Variants in RNF150 observed in about 807,000 individuals in gnomAD.
The protein encoded by RNF150 is ring finger protein 150.
Under a neutral mutation model 39.3 loss-of-function variants are expected in RNF150, and 24 were observed. The ratio of observed to expected loss-of-function variants is 0.61; its 90% CI spans 0.44 to 0.86. The LOEUF (loss-of-function observed/expected upper bound fraction) is 0.86, where lower values mean the gene tolerates loss of function less well. RNF150 is among the 40% of genes least tolerant of loss of function. The pLI is 0.00. For synonymous variants in RNF150, 255 were observed against 227.3 expected, an observed-to-expected ratio of 1.12 and a Z score of -1.10; for missense variants, 502 against 587.8, an observed-to-expected ratio of 0.85 and a Z score of 1.51.
chr4:141,094,975 T>C (rs1738717685), intron 1 of RNF150, among the ~76,000 whole-genome samples: 1 of 152,138 alleles, frequency 6.6e-6, no homozygotes, highest in Non-Finnish European at 1.5e-5. Flanking sequence ...AAGAGTGCTG[T>C]TCCCACTTAA....
chr4:141,103,529 A>G (rs1286796213), intron 1 of RNF150, among the ~76,000 whole-genome samples: 1 of 152,130 alleles, frequency 6.6e-6, no homozygotes, highest in Non-Finnish European at 1.5e-5. Flanking sequence ...AACGGAGAAA[A>G]GACCATCATG....
chr4:140,910,745 G>A (rs913771561), intron 6 of RNF150, among the ~76,000 whole-genome samples: 3 of 152,214 alleles, frequency 2.0e-5, no homozygotes, highest in Admixed American at 6.5e-5. Context: ...GCATGCGCAG[G>A]TGAGTGGGTG....
upstream of RNF150, among the ~76,000 whole-genome samples, chr4:141,133,759 G>A (rs1158125307): frequency 1.3e-5 from 2 of 152,082 alleles, no homozygotes; most frequent in Admixed American, 6.5e-5. Context: ...AAGTACTGCC[G>A]TGAGCTCCCT....
At chr4:141,146,881 A>T (rs1727213766) in intron 1 of RNF150, among the ~76,000 whole-genome samples, 1 of 152,196 alleles carries the variant, frequency 6.6e-6, no homozygotes, top group African/African-American at 2.4e-5. Context: ...GAGCAAGTTG[A>T]GAGATAGGAC....
chr4:141,210,978 C>T (rs1728454594), intron 1 of RNF150, among the ~76,000 whole-genome samples: 1 of 152,190 alleles, frequency 6.6e-6, no homozygotes, highest in Non-Finnish European at 1.5e-5. Context: ...CCTCAATTTT[C>T]TTGCCTAAAA....
In RNF150 at chr4:140,949,362, C is replaced by T; in HGVS notation, c.746G>A (p.Gly249Glu). Residue 249 changes from glycine to glutamate, a missense_variant, in exon 3 of 7, where the codon GGG becomes GAG. Gly to Glu is a moderately conservative substitution (Grantham distance 98). Coordinates refer to ENST00000515673, the MANE Select transcript of RNF150 (RefSeq NM_020724.2). ...GCTGATGGCTTTCTTTGCTGCATCC[C>T]CCAGTCGGCGCTGAAAAGCCAAAAC... Reference protein sequence around the residue: ...NARDRNQRRLGDAAKKAISKL... With the variant: ...NARDRNQRRLEDAAKKAISKL... 3 of 1,612,940 alleles carry T rather than the reference C, an allele frequency of 1.9e-6. No individual in the cohort carries two copies. Among genetic ancestry groups the T allele is most frequent in the Non-Finnish European group, 2.5e-6 (3 of 1,179,388 alleles).
chr4:140,933,023 G>C (rs540515979), intron 4 of RNF150, among the ~76,000 whole-genome samples: 2 of 152,282 alleles, frequency 1.3e-5, no homozygotes, highest in African/African-American at 4.8e-5. Flanking sequence ...CGCCTATCCT[G>C]ACTAGTAAAA....
chr4:141,083,764 A>T (rs542475616), intron 1 of RNF150, among the ~76,000 whole-genome samples: 1 of 152,306 alleles, frequency 6.6e-6, no homozygotes, highest in East Asian at 1.9e-4. Context: ...AATATGCACA[A>T]AGCTACGTGG....
chr4:141,048,361 A>G (rs1736658162), intron 1 of RNF150, among the ~76,000 whole-genome samples: 1 of 152,192 alleles, frequency 6.6e-6, no homozygotes, highest in South Asian at 2.1e-4. Flanking sequence ...AAATAGTGTT[A>G]TGCAGCCATG....
chr4:140,894,865 T>G (rs1729883407), intron 6 of RNF150, among the ~76,000 whole-genome samples: 1 of 152,230 alleles, frequency 6.6e-6, no homozygotes. Flanking sequence ...GTAAGTATGG[T>G]GCAGAGTGAA....
intron 1 of RNF150, among the ~76,000 whole-genome samples, chr4:141,124,635 G>C (rs576373293): frequency 6.6e-6 from 1 of 152,254 alleles, no homozygotes; most frequent in South Asian, 2.1e-4. Context: ...AGAGAAAAAG[G>C]GGGAAACAAG....
intron 1 of RNF150, among the ~76,000 whole-genome samples, chr4:140,992,319 A>G (rs565188982): frequency 6.6e-6 from 1 of 152,256 alleles, no homozygotes; most frequent in African/African-American, 2.4e-5. Context: ...GCTGTGAGCC[A>G]TGATCATGCC....
At chr4:141,192,682 G>C (rs74695799) in intron 1 of RNF150, among the ~76,000 whole-genome samples, 6 of 152,160 alleles carry the variant, frequency 3.9e-5, no homozygotes, top group Non-Finnish European at 1.5e-5. Flanking sequence ...TTCATATCCC[G>C]CACAACGCAG....
In RNF150 at chr4:141,131,901, G is replaced by C. The variant is rs576747586; in HGVS notation, c.484+424C>G. 2.4e-4 allele frequency among the ~76,000 whole-genome samples: 36 copies of C among 152,188 alleles called. 1 individual carries two copies. The South Asian group carries it at 7.5e-3, about 32-fold the overall frequency. On this transcript the variant is annotated intron_variant, in intron 1 of 6. Coordinates refer to ENST00000515673, the MANE Select transcript of RNF150 (RefSeq NM_020724.2). Reference sequence around the variant, plus strand: ...CAGCAGGTAACCCTACCCCTCTCCTGATATAGCGCCTGCATCAGGGTATAC... The same window carrying C: ...CAGCAGGTAACCCTACCCCTCTCCTCATATAGCGCCTGCATCAGGGTATAC...
intron 1 of RNF150, among the ~76,000 whole-genome samples, chr4:141,021,296 T>C (rs551027549): frequency 4.6e-5 from 7 of 152,302 alleles, no homozygotes; most frequent in Non-Finnish European, 8.8e-5. Context: ...TAAAAAAATC[T>C]AGGCTTAGTT....
At chr4:141,157,643 C>T (rs2111152203) in intron 1 of RNF150, among the ~76,000 whole-genome samples, 1 of 148,588 alleles carries the variant, frequency 6.7e-6, no homozygotes. Context: ...CTCTGTTGCT[C>T]ATTCTTAGAC....
chr4:141,212,298 C>G (rs1301270940), intron 1 of RNF150, among the ~76,000 whole-genome samples: 1 of 152,184 alleles, frequency 6.6e-6, no homozygotes, highest in Non-Finnish European at 1.5e-5. Flanking sequence ...TATGTATCAT[C>G]ATACTTAATC....
intron 6 of RNF150, among the ~76,000 whole-genome samples, chr4:140,881,328 A>G (rs1350878884): frequency 6.6e-6 from 1 of 151,944 alleles, no homozygotes; most frequent in Non-Finnish European, 1.5e-5. Flanking sequence ...ACATCTGGAT[A>G]ATTTTTGTAT....
chr4:141,055,217 AC>A (rs1278809920), intron 1 of RNF150, among the ~76,000 whole-genome samples: 2 of 152,162 alleles, frequency 1.3e-5, no homozygotes, highest in African/African-American at 2.4e-5. Flanking sequence ...TTAGAAAAAA[AC>A]ATAGCTATTG....
Sources: allele counts gnomAD v4.1 joint callset (sites outside exome capture counted in the v4.1 genomes callset), GRCh38; gene constraint gnomAD v4.1.1; transcripts MANE v1.5; gene names NCBI Gene and HGNC (gene_info 2026-07-23, HGNC 2026-07-21).